The following BSN variants were observed in gnomAD, a reference collection of about 807,000 sequenced individuals.
The protein encoded by BSN is protein bassoon.
A neutral mutation model predicts 264.8 loss-of-function variants in BSN; 57 were observed. The observed-to-expected ratio is 0.22, with a 90% CI of 0.17 to 0.27. The LOEUF is 0.27. Among genes scored for constraint, BSN ranks in the 10% least tolerant of loss-of-function variants. The pLI is 1.00. For synonymous variants in BSN, 2,059 were observed against 2,137.3 expected (o/e 0.96, Z 1.01); for missense variants, 4,615 against 5,232.5 (o/e 0.88, Z 3.64).
Position 49,554,797 on chromosome 3 carries a change from C to T in BSN, c.195C>T (p.Pro65=), listed in dbSNP as rs1467724398. The T allele has an allele frequency of 2.5e-6, 3 of 1,223,458 alleles. No homozygotes were observed. The highest frequency in any genetic ancestry group is 4.1e-5 in the South Asian group (1 of 24,440). The allele number at this position is 1,223,458 out of a possible 1,614,324, so 75.8% of individuals were successfully genotyped here. Residue 65 remains proline, a synonymous_variant, in exon 1 of 12, where the codon CCC becomes CCT. Transcript: ENST00000296452. The part of the protein sequence containing the change: ...TAVPPVPGPG[P]GPGPGPGPGS... ...TACCACCGGTCCCTGGCCCCGGCCC[C>T]GGCCCCGGTCCCGGCCCTGGCCCGG...
rs2052582278 is a variant in BSN, at chr3:49,654,854, T to A, written c.5298T>A (p.Gly1766=). The change falls in exon 5 of 12, where the codon GGT becomes GGA. Residue 1766 remains glycine, a synonymous_variant. Transcript: ENST00000296452. The surrounding 1 kb of genome is among the most constrained non-coding windows in gnomAD (Gnocchi z 4.1). ...QSRLDFGQGG[G]SPVCLAQVKQ... Reference sequence around the variant, plus strand: ...GCCTTGACTTTGGCCAGGGTGGGGGTAGCCCTGTGTGCCTGGCCCAGGTCA... The same window carrying A: ...GCCTTGACTTTGGCCAGGGTGGGGGAAGCCCTGTGTGCCTGGCCCAGGTCA... 2 of 1,613,144 alleles carry A rather than the reference T, an allele frequency of 1.2e-6. No individual in the cohort carries two copies. Among genetic ancestry groups the A allele is most frequent in the East Asian group, 4.5e-5 (2 of 44,864 alleles).
chr3:49,604,614 A>G (rs1384319585), intron 1 of BSN, among the ~76,000 whole-genome samples: 2 of 152,080 alleles, frequency 1.3e-5, no homozygotes, highest in African/African-American at 2.4e-5. Flanking sequence ...CCATTCATCT[A>G]TCAGTGGACA....
intron 1 of BSN, among the ~76,000 whole-genome samples, chr3:49,607,225 T>A (rs1359447549): frequency 6.6e-6 from 1 of 152,188 alleles, no homozygotes; most frequent in Non-Finnish European, 1.5e-5. Flanking sequence ...AATCCAGGCT[T>A]CCTGCCCACT....
intron 1 of BSN, among the ~76,000 whole-genome samples, chr3:49,597,435 A>G (rs1209913026): frequency 6.6e-6 from 1 of 152,188 alleles, no homozygotes; most frequent in African/African-American, 2.4e-5. Context: ...CTCCTTCATC[A>G]GCCCCCTCTC....
At chr3:49,634,207 T>C (rs1181666523) in intron 2 of BSN, among the ~76,000 whole-genome samples, 2 of 139,920 alleles carry the variant, frequency 1.4e-5, no homozygotes, top group Admixed American at 1.4e-4. Flanking sequence ...ACTCTGCCTT[T>C]AAAAAAAAAA....
At chr3:49,581,389 G>A (rs2051894701) in intron 1 of BSN, among the ~76,000 whole-genome samples, 1 of 152,082 alleles carries the variant, frequency 6.6e-6, no homozygotes, top group East Asian at 1.9e-4. Flanking sequence ...CCACGGTATG[G>A]TACAATCATA....
intron 3 of BSN, among the ~76,000 whole-genome samples, chr3:49,643,375 A>G (rs1374662059): frequency 1.3e-5 from 2 of 152,148 alleles, no homozygotes; most frequent in African/African-American, 4.8e-5. Flanking sequence ...AATGGTGCCT[A>G]CTGACTCAGA....
At chr3:49,586,488 A>G (rs1012672027) in intron 1 of BSN, among the ~76,000 whole-genome samples, 1 of 152,104 alleles carries the variant, frequency 6.6e-6, no homozygotes, top group African/African-American at 2.4e-5. Context: ...AGCTGGGACT[A>G]CAGGCACACA....
downstream of BSN, among the ~76,000 whole-genome samples, chr3:49,672,025 CTTTTTTT>C (rs34710169): frequency 7.3e-4 from 73 of 100,432 alleles, 1 homozygote; most frequent in Admixed American, 3.3e-3. Context: ...GTTGCTAGAC[CTTTTTTT>C]TTTTTTTTTT....
chr3:49,573,760 C>T (rs1054224012), intron 1 of BSN, among the ~76,000 whole-genome samples: 2 of 151,130 alleles, frequency 1.3e-5, no homozygotes, highest in Non-Finnish European at 2.9e-5. Flanking sequence ...TAAGTTCAAG[C>T]GATTCTTCTG....
At chr3:49,630,697 C>T (rs770427593) in intron 2 of BSN, among the ~76,000 whole-genome samples, 5 of 152,074 alleles carry the variant, frequency 3.3e-5, no homozygotes, top group Non-Finnish European at 5.9e-5. Context: ...AGAAATTTTA[C>T]TCCTAAAACA....
rs763344980 is a variant in BSN at position 49,660,907 on chromosome 3, G to A, written c.9062G>A (p.Arg3021Gln). ...YLSDSELNQLRLQGCTTPAGQ... is the reference protein window; with the variant it reads ...YLSDSELNQLQLQGCTTPAGQ... ...TCGGACAGTGAGCTCAACCAGCTGCGGCTCCAGGGCTGCACCACTCCCGCT... is the reference window on the plus strand; with the variant it reads ...TCGGACAGTGAGCTCAACCAGCTGCAGCTCCAGGGCTGCACCACTCCCGCT... The change falls in exon 6 of 12, where the codon CGG becomes CAG. Residue 3021 changes from arginine to glutamine, a missense_variant. Around this residue, in one of 3 missense-constraint regions of BSN, gnomAD observed 3,415 missense variants for 3,866.4 expected, o/e 0.88. Coordinates refer to ENST00000296452, the MANE Select transcript of BSN (RefSeq NM_003458.4). This position sits in a 1 kb window ranked among gnomAD's most constrained non-coding sequence, Gnocchi z 7.1. The A allele has an allele frequency of 2.5e-6, 4 of 1,612,510 alleles. No homozygotes were observed. Among genetic ancestry groups the A allele is most frequent in the African/African-American group, 1.3e-5 (1 of 74,892 alleles).
intron 1 of BSN, among the ~76,000 whole-genome samples, chr3:49,601,270 T>C (rs1048403979): frequency 4.6e-5 from 7 of 151,978 alleles, no homozygotes; most frequent in Non-Finnish European, 1.0e-4. Flanking sequence ...AGGGACAGAG[T>C]AAGTGGTCTG....
Position 49,652,391 on chromosome 3 carries a change from G to A in BSN, c.2835G>A (p.Glu945=). The part of the protein sequence containing the change: ...ELNSTGSYGH[E]LDLGQGPDPS... ...ACAGCACGGGAAGTTATGGTCATGAGTTGGACCTGGGCCAAGGCCCAGACC... is the reference window on the plus strand; with the variant it reads ...ACAGCACGGGAAGTTATGGTCATGAATTGGACCTGGGCCAAGGCCCAGACC... Residue 945 remains glutamate (E), a synonymous_variant, in exon 5 of 12, where the codon GAG becomes GAA. Transcript: ENST00000296452. 3.1e-6 allele frequency: 5 copies of A among 1,609,096 alleles called. No individual in the cohort carries two copies. The highest frequency in any genetic ancestry group is 4.2e-6 in the Non-Finnish European group (5 of 1,177,564).
intron 3 of BSN, among the ~76,000 whole-genome samples, chr3:49,644,603 G>C (rs1187167724): frequency 2.6e-5 from 4 of 152,098 alleles, no homozygotes; most frequent in Non-Finnish European, 5.9e-5. Context: ...CGGGGAAAGG[G>C]GTGCACCAGG....
chr3:49,581,845 A>AC (rs1194509941), intron 1 of BSN, among the ~76,000 whole-genome samples: 2 of 152,026 alleles, frequency 1.3e-5, no homozygotes, highest in East Asian at 3.9e-4. Flanking sequence ...AAAAAACAAA[A>AC]CAAAAAAAAA....
At position 49,662,141 on chromosome 3, in the gene BSN, G is replaced by A. The variant is rs2052663563; in HGVS notation, c.10296G>A (p.Glu3432=). ...GGATGTCCAGCCGGGACGCAGTGGA[G>A]GACGACCGCATTTATGGCGGGAGCA... ...YYGMSSRDAV[E]DDRIYGGSSR... The change falls in exon 6 of 12, where the codon GAG becomes GAA. Residue 3432 remains glutamate, a synonymous_variant. Coordinates refer to ENST00000296452, the MANE Select transcript of BSN (RefSeq NM_003458.4). The A allele has an allele frequency of 6.2e-7, 1 of 1,613,546 alleles. No individual in the cohort carries two copies.
chr3:49,634,958 G>C (rs2052410057), intron 2 of BSN, among the ~76,000 whole-genome samples: 1 of 152,160 alleles, frequency 6.6e-6, no homozygotes, highest in South Asian at 2.1e-4. Flanking sequence ...GTGGGCTCTG[G>C]GAGCCAGAGT....
intron 1 of BSN, among the ~76,000 whole-genome samples, chr3:49,575,424 G>T (rs2051836490): frequency 6.8e-6 from 1 of 146,716 alleles, no homozygotes; most frequent in African/African-American, 2.5e-5. Flanking sequence ...ATATATATGT[G>T]TATATATATG....
Sources: gnomAD v4.1 joint callset for allele counts (sites outside exome capture counted in the v4.1 genomes callset) on GRCh38, gnomAD v4.1.1 for gene constraint, gnomAD v4.1.1 regional missense constraint, Gnocchi (gnomAD v3.1) non-coding constraint, MANE v1.5 for transcripts, NCBI Gene and HGNC (gene_info 2026-07-23, HGNC 2026-07-21) for gene names.